SYTL3: variants seen among roughly 807,000 people sequenced by gnomAD.
SYTL3 encodes synaptotagmin-like protein 3.
In SYTL3, 88 loss-of-function variants were observed where a neutral mutation model predicts 82.1. That is an observed-to-expected ratio of 1.07 (90% CI 0.90 to 1.28). The LOEUF is 1.28. SYTL3 is among the 50% of genes most tolerant of loss of function. SYTL3 has a pLI of 0.00. For synonymous variants in SYTL3, 311 were observed against 289.4 expected (o/e 1.07, Z -0.76); for missense variants, 831 against 757.6 (o/e 1.10, Z -1.14).
intron 15 of SYTL3, among the ~76,000 whole-genome samples, chr6:158,761,500 G>A (rs1430959128): frequency 1.3e-5 from 2 of 151,720 alleles, no homozygotes; most frequent in East Asian, 3.9e-4. Flanking sequence ...AGTAGAGACA[G>A]GGTTTCACCA....
At chr6:158,714,706 AG>A (rs1188106083) in intron 9 of SYTL3, among the ~76,000 whole-genome samples, 5 of 152,188 alleles carry the variant, frequency 3.3e-5, no homozygotes, top group African/African-American at 1.2e-4. Flanking sequence ...AGTGTGCTCA[AG>A]GGTCCTTAGG....
intron 8 of SYTL3, among the ~76,000 whole-genome samples, chr6:158,710,861 C>G (rs980378272): frequency 1.9e-4 from 29 of 151,642 alleles, no homozygotes; most frequent in African/African-American, 6.8e-4. Context: ...GCCCATCACA[C>G]CCTCCACCTC....
intron 2 of SYTL3, among the ~76,000 whole-genome samples, chr6:158,655,358 G>A (rs1007106777): frequency 5.9e-5 from 9 of 152,198 alleles, no homozygotes; most frequent in Non-Finnish European, 7.4e-5. Context: ...TCTCCGTGTC[G>A]CAATATTCTT....
At chr6:158,753,072 CTTTTCTTTTTTTTT>C (rs1788588599) in intron 13 of SYTL3, among the ~76,000 whole-genome samples, 1 of 131,296 alleles carries the variant, frequency 7.6e-6, no homozygotes. Flanking sequence ...AACATTTCTT[CTTTTCTTTTTTTTT>C]TTTTTTTTTT....
chr6:158,733,486 C>T (rs1412012132), intron 11 of SYTL3, among the ~76,000 whole-genome samples: 2 of 151,944 alleles, frequency 1.3e-5, no homozygotes, highest in African/African-American at 2.4e-5. Context: ...GCCACCACGC[C>T]CGGCTAATTT....
intron 6 of SYTL3, among the ~76,000 whole-genome samples, chr6:158,694,046 T>C (rs1780297767): frequency 6.6e-6 from 1 of 152,044 alleles, no homozygotes; most frequent in Non-Finnish European, 1.5e-5. Context: ...TTGTTACTAC[T>C]CTCCTTAAGA....
intron 6 of SYTL3, among the ~76,000 whole-genome samples, chr6:158,693,259 C>T (rs1202263428): frequency 6.6e-6 from 1 of 152,212 alleles, no homozygotes; most frequent in Non-Finnish European, 1.5e-5. Flanking sequence ...ATTTTGTCAC[C>T]TAACCTGGAG....
intron 11 of SYTL3, among the ~76,000 whole-genome samples, chr6:158,734,094 C>CA (rs560547617): frequency 0.45 from 33,848 of 74,778 alleles, 7,367 homozygotes; most frequent in South Asian, 0.54. Context: ...GACCCTGTCT[C>CA]AAAAAAAAAA....
At chr6:158,726,250 T>G (rs543140245) in intron 11 of SYTL3, 1 of 442,422 alleles carries the variant, frequency 2.3e-6, no homozygotes, top group African/African-American at 2.1e-5. Context: ...AAGACAAAAT[T>G]TCAGGAGTCT....
intron 12 of SYTL3, among the ~76,000 whole-genome samples, chr6:158,746,559 G>C (rs1256946777): frequency 6.6e-6 from 1 of 151,012 alleles, no homozygotes; most frequent in Admixed American, 6.6e-5. Context: ...TCCGCCTCCC[G>C]GGTTCAAGTG....
intron 6 of SYTL3, among the ~76,000 whole-genome samples, chr6:158,705,276 G>A (rs113644133): frequency 1.3e-4 from 2 of 15,968 alleles, no homozygotes; most frequent in African/African-American, 4.6e-4. Flanking sequence ...CTGGGGACAG[G>A]GTGACAGTGA....
rs1554263734 is a variant in SYTL3, at chr6:158,746,450, A to AT, written c.1034+793dup. On this transcript the variant is annotated intron_variant, in intron 12 of 17. Coordinates refer to ENST00000611299, the MANE Select transcript of SYTL3 (RefSeq NM_001242394.2). ...AAGGTGTAGCACCATTATAATAATA[A>AT]TAATAATAATATTATTATTATTATT... Among the ~76,000 whole-genome samples, 243 of 63,678 alleles carry AT rather than the reference A, an allele frequency of 3.8e-3. No individual in the cohort carries two copies. In the Middle Eastern group the frequency reaches 0.04, roughly 11 times the overall value. The allele number at this position is 63,678 out of a possible 152,430, so 41.8% of individuals were successfully genotyped here.
At chr6:158,726,937 C>T (rs1784801397) in intron 11 of SYTL3, 1 of 151,738 alleles carries the variant, frequency 6.6e-6, no homozygotes, top group African/African-American at 2.4e-5. Context: ...ACAAGCTCCG[C>T]CTCCCAGGTT....
At chr6:158,759,885 G>A (rs1206380531) in intron 14 of SYTL3, among the ~76,000 whole-genome samples, 1 of 152,030 alleles carries the variant, frequency 6.6e-6, no homozygotes, top group Non-Finnish European at 1.5e-5. Flanking sequence ...CTTAAAACAT[G>A]AGTTTTTTTG....
At chr6:158,711,197 T>C (rs773470008) in intron 8 of SYTL3, among the ~76,000 whole-genome samples, 11 of 152,186 alleles carry the variant, frequency 7.2e-5, no homozygotes, top group African/African-American at 2.7e-4. Flanking sequence ...CTTTTAAACT[T>C]TTACCATTCA....
At chr6:158,668,026 T>C (rs1021471378) in intron 5 of SYTL3, among the ~76,000 whole-genome samples, 2 of 152,166 alleles carry the variant, frequency 1.3e-5, no homozygotes, top group Non-Finnish European at 2.9e-5. Context: ...CATAAAACAA[T>C]CGTGTGGGGT....
At chr6:158,699,958 T>TAA (rs1562391369) in intron 6 of SYTL3, among the ~76,000 whole-genome samples, 4 of 150,340 alleles carry the variant, frequency 2.7e-5, no homozygotes, top group Non-Finnish European at 4.4e-5. Context: ...AAAAAAAGAA[T>TAA]AATAAAAAAT....
At chr6:158,647,341 TAAACGGATGAGC>T (rs1475539263), upstream of SYTL3, among the ~76,000 whole-genome samples, 2 of 152,254 alleles carry the variant, frequency 1.3e-5, no homozygotes, top group African/African-American at 4.8e-5. Flanking sequence ...AGGCTGCCAG[TAAACGGATGAGC>T]TGGTCTGTTT....
At chr6:158,708,823 G>C (rs1782426037) in intron 8 of SYTL3, among the ~76,000 whole-genome samples, 1 of 152,208 alleles carries the variant, frequency 6.6e-6, no homozygotes, top group Non-Finnish European at 1.5e-5. Context: ...AAAGAAATTA[G>C]CTGTGTGATC....
Sources: allele counts gnomAD v4.1 joint callset (sites outside exome capture counted in the v4.1 genomes callset), GRCh38; gene constraint gnomAD v4.1.1; transcripts MANE v1.5; gene names NCBI Gene and HGNC (gene_info 2026-07-23, HGNC 2026-07-21).